The following TRIM27 variants were observed in gnomAD, a reference collection of about 807,000 sequenced individuals.
The protein encoded by TRIM27 is zinc finger protein RFP.
A neutral mutation model predicts 57.6 loss-of-function variants in TRIM27; 12 were observed. That is an observed-to-expected ratio of 0.21 (90% CI 0.13 to 0.34). The LOEUF is 0.34. Ranked by LOEUF, TRIM27 falls within the 10% of genes least tolerant of loss-of-function variation. TRIM27 has a pLI of 1.00. For missense variants in TRIM27, 403 were observed against 656.8 expected, an observed-to-expected ratio of 0.61 and a Z score of 4.22; for synonymous variants, 266 against 259.0, an observed-to-expected ratio of 1.03 and a Z score of -0.26.
intron 4 of TRIM27, among the ~76,000 whole-genome samples, chr6:28,909,934 T>C (rs937565232): frequency 1.3e-5 from 2 of 152,116 alleles, no homozygotes; most frequent in Non-Finnish European, 2.9e-5. Flanking sequence ...TTCTGGCCTA[T>C]GAGAAGTAAG....
In TRIM27 at chr6:28,923,762, G is replaced by A. The variant is rs1371576931; in HGVS notation, c.-130C>T. On this transcript the variant is annotated 5_prime_UTR_variant, in exon 1 of 8. Transcript: ENST00000377199. ...GGGCGGACGGAGGGCGGCGCCTCCC[G>A]GGCCCGTATCCCAGACGCGCCCGCG... 2 of 1,068,700 alleles carry A rather than the reference G, an allele frequency of 1.9e-6. No homozygotes were observed. Among genetic ancestry groups the A allele is most frequent in the Non-Finnish European group, 2.6e-6 (2 of 770,632 alleles). The allele number at this position is 1,068,700 out of a possible 1,614,324, so 66.2% of individuals were successfully genotyped here. A position where few individuals can be genotyped will look rare whatever the true frequency, so the allele number is the denominator to read the frequency against.
intron 1 of TRIM27, 45 bp downstream of exon 1, chr6:28,923,168 C>T (rs984318165): frequency 6.7e-6 from 10 of 1,501,698 alleles, no homozygotes; most frequent in Middle Eastern, 1.7e-4. Flanking sequence ...TCTCTCCTCC[C>T]TTTGTCCGAC....
chr6:28,920,825 C>T (rs1773967692), intron 2 of TRIM27, among the ~76,000 whole-genome samples: 1 of 152,108 alleles, frequency 6.6e-6, no homozygotes, highest in Non-Finnish European at 1.5e-5. Flanking sequence ...GTGACAGGGT[C>T]AGATATGTGC....
intron 3 of TRIM27, among the ~76,000 whole-genome samples, chr6:28,916,079 G>T (rs1318869149): frequency 6.6e-6 from 1 of 151,820 alleles, no homozygotes; most frequent in Non-Finnish European, 1.5e-5. Context: ...ACCACGCCTG[G>T]CTAATTTTTG....
Position 28,921,964 on chromosome 6 carries a change from G to A in TRIM27, c.444C>T (p.Asp148=), listed in dbSNP as rs143463783. The A allele has an allele frequency of 2.8e-3, 4,561 of 1,613,058 alleles. 23 individuals are homozygous for A. Among genetic ancestry groups the A allele is most frequent in the Middle Eastern group, 0.028 (169 of 6,062 alleles). ...TTAAATCTTTCACTCTTTTTAAATG[G>A]TCGAGCTGGTTCTGGATTTGCTCCT... ...GFKEQIQNQL[D]HLKRVKDLKK... is the part of the protein sequence containing the mutation. Residue 148 remains aspartate, a synonymous_variant, in exon 2 of 8, where the codon GAC becomes GAT. Transcript: ENST00000377199.
chr6:28,912,185 CT>C (rs1364503794), intron 3 of TRIM27, among the ~76,000 whole-genome samples: 3 of 150,952 alleles, frequency 2.0e-5, no homozygotes, highest in African/African-American at 7.3e-5. Context: ...TCTTGGCTCA[CT>C]GCAACCTCTG....
chr6:28,905,595 C>A, intron 7 of TRIM27: 1 of 152,592 alleles, frequency 6.6e-6, no homozygotes, highest in South Asian at 1.9e-4. Flanking sequence ...CTCACTCTGT[C>A]ACCCAGACTG....
chr6:28,923,545 C>T lies in TRIM27; in HGVS notation c.88G>A (p.Asp30Asn), dbSNP rs1296409989. ...LQYFAEPMML[D>N]CGHNICCACL... Reference sequence around the variant, plus strand: ...GCGCAACAGATGTTATGGCCGCAGTCGAGCATCATGGGCTCTGCGAAGTAC... The same window carrying T: ...GCGCAACAGATGTTATGGCCGCAGTTGAGCATCATGGGCTCTGCGAAGTAC... Residue 30 changes from aspartate to asparagine, a missense_variant, in exon 1 of 8, where the codon GAC becomes AAC. Asp to Asn is a conservative substitution (Grantham distance 23, BLOSUM62 1). Transcript: ENST00000377199. 6.2e-7 allele frequency: 1 copy of T among 1,611,704 alleles called. No individual in the cohort carries two copies. Among genetic ancestry groups the T allele is most frequent in the African/African-American group, 1.3e-5 (1 of 75,034 alleles).
intron 3 of TRIM27, among the ~76,000 whole-genome samples, chr6:28,919,752 G>A (rs545634083): frequency 3.3e-4 from 51 of 152,342 alleles, no homozygotes; most frequent in Middle Eastern, 3.4e-3. Context: ...CAGACCACTT[G>A]TCAGTGCTGT....
intron 6 of TRIM27, chr6:28,908,099 C>T (rs1198780976): frequency 6.1e-6 from 1 of 164,592 alleles, no homozygotes; most frequent in Admixed American, 6.4e-5. Flanking sequence ...CAACTCTTTA[C>T]TGAATGTGGC....
In TRIM27 at chr6:28,914,890, T is replaced by G. The variant is rs1435150291; in HGVS notation, c.748-3172A>C. On this transcript the variant is annotated intron_variant, in intron 3 of 7. Coordinates refer to ENST00000377199, the MANE Select transcript of TRIM27 (RefSeq NM_006510.5). ...ATTTATTCCCAGATATTTTATCACT[T>G]GTTTTTTTTTTGCAAATGGAAACAG... 11 of 152,136 alleles carry G rather than the reference T, an allele frequency of 7.2e-5. No homozygotes were observed. The East Asian group carries it at 2.1e-3, about 29-fold the overall frequency. The allele number at this position is 152,136 out of a possible 1,614,324, so 9.4% of individuals were successfully genotyped here. A position where few individuals can be genotyped will look rare whatever the true frequency, so the allele number is the denominator to read the frequency against.
intron 4 of TRIM27, among the ~76,000 whole-genome samples, chr6:28,910,334 T>A (rs2394474): frequency 1.7e-5 from 1 of 58,574 alleles, no homozygotes; most frequent in African/African-American, 1.3e-4. Context: ...ATTTCTTACT[T>A]TTTTTTTTCT....
chr6:28,915,353 T>C (rs1370867901), intron 3 of TRIM27: 4 of 149,610 alleles, frequency 2.7e-5, no homozygotes, highest in African/African-American at 9.9e-5. Context: ...TCACGTCTAT[T>C]ATACCAGCAC....
In TRIM27 at chr6:28,903,807, G is replaced by A. The variant is rs1562144245; in HGVS notation, c.*263C>T. ...TATCCATACTCTTTATCCCTCCAGC[G>A]ATGTGTAAAACCAGAAAGTATGAAA... is the stretch of plus-strand genomic sequence containing the variant. On this transcript the variant is annotated 3_prime_UTR_variant, in exon 8 of 8. Transcript: ENST00000377199. 3.8e-6 allele frequency: 2 copies of A among 532,992 alleles called. No homozygotes were observed. Among genetic ancestry groups the A allele is most frequent in the Non-Finnish European group, 6.7e-6 (2 of 300,046 alleles). 33.0% of individuals were successfully genotyped at this position (532,992 alleles called of 1,614,324 possible). A position where few individuals can be genotyped will look rare whatever the true frequency, so the allele number is the denominator to read the frequency against.
chr6:28,921,339 C>T (rs1170704322), intron 2 of TRIM27, among the ~76,000 whole-genome samples: 3 of 151,388 alleles, frequency 2.0e-5, no homozygotes, highest in African/African-American at 7.3e-5. Flanking sequence ...AAAACCTCAC[C>T]ATTGCACTCC....
At chr6:28,906,326 A>C (rs1034159982) in intron 7 of TRIM27, 4 of 152,216 alleles carry the variant, frequency 2.6e-5, no homozygotes, top group African/African-American at 9.7e-5. Flanking sequence ...TACCTCTCAG[A>C]AATTTAAGCC....
chr6:28,923,130 T>C (rs769409174), intron 1 of TRIM27, 83 bp downstream of exon 1: 72 of 1,410,084 alleles, frequency 5.1e-5, no homozygotes, highest in Non-Finnish European at 6.7e-5. Context: ...AGCCATTTTC[T>C]AGGCGGAAAA....
At chr6:28,922,258 C>T (rs1170612774) in intron 1 of TRIM27, among the ~76,000 whole-genome samples, 2 of 152,218 alleles carry the variant, frequency 1.3e-5, no homozygotes, top group Non-Finnish European at 2.9e-5. Flanking sequence ...AATGAGTCAT[C>T]TACCTGTCCC....
chr6:28,923,765 C>G lies in TRIM27; in HGVS notation c.-133G>C. On this transcript the variant is annotated 5_prime_UTR_variant, in exon 1 of 8. Transcript: ENST00000377199. Reference sequence around the variant, plus strand: ...CGGACGGAGGGCGGCGCCTCCCGGGCCCGTATCCCAGACGCGCCCGCGCAC... The same window carrying G: ...CGGACGGAGGGCGGCGCCTCCCGGGGCCGTATCCCAGACGCGCCCGCGCAC... The G allele has an allele frequency of 9.6e-7, 1 of 1,043,898 alleles. No homozygotes were observed. Among genetic ancestry groups the G allele is most frequent in the Non-Finnish European group, 1.3e-6 (1 of 748,508 alleles). 64.7% of individuals were successfully genotyped at this position (1,043,898 alleles called of 1,614,324 possible).
Sources: allele counts gnomAD v4.1 joint callset (sites outside exome capture counted in the v4.1 genomes callset), GRCh38; gene constraint gnomAD v4.1.1; transcripts MANE v1.5; gene names NCBI Gene and HGNC (gene_info 2026-07-23, HGNC 2026-07-21).